Variants in DHX38 observed in about 807,000 individuals in gnomAD.
DHX38 encodes DEAH-box helicase 38.
Under a neutral mutation model 153.1 loss-of-function variants are expected in DHX38, and 100 were observed. The ratio of observed to expected loss-of-function variants is 0.65; its 90% CI spans 0.56 to 0.77. The LOEUF is 0.77. Ranked by LOEUF, DHX38 falls within the 30% of genes least tolerant of loss-of-function variation. DHX38 has a pLI of 0.00. For missense variants in DHX38, 1,440 were observed against 1,654.0 expected, an observed-to-expected ratio of 0.87 and a Z score of 2.24; for synonymous variants, 650 against 631.7, an observed-to-expected ratio of 1.03 and a Z score of -0.43.
Position 72,107,218 on chromosome 16 carries a change from A to C in DHX38, c.2601-122A>C. ...AGTTTTGAATAGGTGGAAGTCAGTGATTCACTGAAGTAGTGGGTGGGGAGA... is the reference window on the plus strand; with the variant it reads ...AGTTTTGAATAGGTGGAAGTCAGTGCTTCACTGAAGTAGTGGGTGGGGAGA... On this transcript the variant is annotated intron_variant, in intron 19 of 26. Coordinates refer to ENST00000268482, the MANE Select transcript of DHX38 (RefSeq NM_014003.4). This position sits in a 1 kb window ranked among gnomAD's most constrained non-coding sequence, Gnocchi z 5.3. The C allele has an allele frequency of 1.9e-6, 2 of 1,027,880 alleles. No homozygotes were observed. Among genetic ancestry groups the C allele is most frequent in the Non-Finnish European group, 2.8e-6 (2 of 710,602 alleles). 63.7% of individuals were successfully genotyped at this position (1,027,880 alleles called of 1,614,324 possible).
chr16:72,109,435 C>T lies in DHX38; in HGVS notation c.3402C>T (p.Thr1134=), dbSNP rs1309841778. 28 of 1,613,178 alleles carry T rather than the reference C, an allele frequency of 1.7e-5. No homozygotes were observed. Among genetic ancestry groups the T allele is most frequent in the East Asian group, 4.5e-5 (2 of 44,818 alleles). Residue 1134 remains threonine (T), a synonymous_variant, in exon 25 of 27, where the codon ACC becomes ACT. Coordinates refer to ENST00000268482, the MANE Select transcript of DHX38 (RefSeq NM_014003.4). ...CGCAGGAGTATATGCAGTGTGTGAC[C>T]GCTGTGGACGGGGAGTGGCTGGCGG... The part of the protein sequence containing the change: ...MTTKEYMQCV[T]AVDGEWLAEL...
intron 2 of DHX38, 29 bp from the exon 3 acceptor site, chr16:72,096,793 G>C (rs768452875): frequency 2.5e-6 from 4 of 1,597,362 alleles, no homozygotes; most frequent in Non-Finnish European, 3.4e-6. Context: ...CTATGGAGGG[G>C]CCTTTACCAG....
chr16:72,105,951 C>T, intron 18 of DHX38, 54 bp from the exon 19 acceptor site: 1 of 1,551,464 alleles, frequency 6.4e-7, no homozygotes, highest in Non-Finnish European at 8.9e-7. Flanking sequence ...CTCAGGCCTA[C>T]TTCCACTTTC....
rs765927258 is a variant in DHX38 at position 72,096,982 on chromosome 16, C to T, written c.484C>T (p.Arg162Ter). The change falls in exon 3 of 27, where the codon CGA becomes TGA. Residue 162 changes from arginine to a stop codon, truncating the protein, a stop_gained. Transcript: ENST00000268482. LOFTEE classifies it high-confidence loss of function. The stretch of plus-strand genomic sequence containing the variant: ...TTGGAAGAAGGAGAAATCGCGGGAT[C>T]GAGACTATGACCGCAAGAGGGACAG... The part of the protein sequence containing the change: ...KDWKKEKSRD[R>*]DYDRKRDRDE... 3.7e-6 allele frequency: 6 copies of T among 1,613,798 alleles called. No homozygotes were observed. The highest frequency in any genetic ancestry group is 3.3e-5 in the Admixed American group (2 of 60,004).
At position 72,103,783 on chromosome 16, in the gene DHX38, G is replaced by A. The variant is rs777017958; in HGVS notation, c.1819G>A (p.Glu607Lys). ...TGAAGAGATGGGGGGAAACCTTGGC[G>A]AGGAGGTGAGTGGGCGTGGGGGCTG... Reference protein sequence around the residue: ...VSEEMGGNLGEEVGYAIRFED... With the variant: ...VSEEMGGNLGKEVGYAIRFED... Residue 607 changes from glutamate (E) to lysine (K), a missense_variant, in exon 13 of 27, where the codon GAG becomes AAG. This residue lies in a region of DHX38 where 241 missense variants were observed against 229.5 expected (regional missense o/e 1.05). Coordinates refer to ENST00000268482, the MANE Select transcript of DHX38 (RefSeq NM_014003.4). 13 of 1,609,414 alleles carry A rather than the reference G, an allele frequency of 8.1e-6. No homozygotes were observed. Among genetic ancestry groups the A allele is most frequent in the South Asian group, 5.5e-5 (5 of 91,010 alleles).
chr16:72,096,991 G>T lies in DHX38; in HGVS notation c.493G>T (p.Asp165Tyr). The T allele has an allele frequency of 6.2e-7, 1 of 1,613,868 alleles. No individual in the cohort carries two copies. Among genetic ancestry groups the T allele is most frequent in the South Asian group, 1.1e-5 (1 of 91,022 alleles). The change falls in exon 3 of 27, where the codon GAC (aspartate) becomes TAC (tyrosine). Residue 165 changes from aspartate to tyrosine, a missense_variant. This residue lies in a region of DHX38 where 483 missense variants were observed against 465.1 expected (regional missense o/e 1.04). Coordinates refer to ENST00000268482, the MANE Select transcript of DHX38 (RefSeq NM_014003.4). ...KKEKSRDRDY[D>Y]RKRDRDERDR... ...GGAGAAATCGCGGGATCGAGACTATGACCGCAAGAGGGACAGAGGTAAACT... is the reference window on the plus strand; with the variant it reads ...GGAGAAATCGCGGGATCGAGACTATTACCGCAAGAGGGACAGAGGTAAACT...
At chr16:72,099,140 A>C in intron 6 of DHX38, 64 bp from the exon 7 acceptor site, 1 of 1,596,068 alleles carries the variant, frequency 6.3e-7, no homozygotes, top group Non-Finnish European at 8.5e-7. Flanking sequence ...GGCCCTGCAG[A>C]TCTGTCTGGG....
At chr16:72,110,481 C>T (rs1204203391) in intron 25 of DHX38, among the ~76,000 whole-genome samples, 5 of 152,162 alleles carry the variant, frequency 3.3e-5, no homozygotes, top group African/African-American at 9.7e-5. Context: ...TTCCACTGCT[C>T]CTCCATCTTG....
Position 72,104,647 on chromosome 16 carries a change from C to G in DHX38, c.2151+21C>G, listed in dbSNP as rs200567958. The G allele has an allele frequency of 3.1e-6, 5 of 1,613,822 alleles. No individual in the cohort carries two copies. Among genetic ancestry groups the G allele is most frequent in the Non-Finnish European group, 4.2e-6 (5 of 1,179,900 alleles). ...GCAAGGTATTGAGGCCACCATGTTA[C>G]GAACTGACCCTTCCATGCCACGCAC... On this transcript the variant is annotated intron_variant, in intron 15 of 26. Transcript: ENST00000268482. This position sits in a 1 kb window ranked among gnomAD's most constrained non-coding sequence, Gnocchi z 4.5.
intron 24 of DHX38, 108 bp downstream of exon 24, chr16:72,109,033 C>A (rs2042222846): frequency 1.4e-6 from 2 of 1,463,886 alleles, no homozygotes; most frequent in Admixed American, 2.5e-5. Context: ...GCCTTGAGGC[C>A]ACATGCATTG....
intron 17 of DHX38, 37 bp downstream of exon 17, chr16:72,105,385 G>A (rs2144161176): frequency 6.2e-7 from 1 of 1,607,582 alleles, no homozygotes; most frequent in Non-Finnish European, 8.5e-7. Context: ...GGCTCTTGGA[G>A]TTCTCTAAAG....
At chr16:72,098,458 A>T (rs985329048) in intron 4 of DHX38, among the ~76,000 whole-genome samples, 187 bp from the exon 5 acceptor site, 1 of 152,194 alleles carries the variant, frequency 6.6e-6, no homozygotes, top group Non-Finnish European at 1.5e-5. Context: ...GGAAAAATAC[A>T]TCCTGGACCA....
Position 72,105,995 on chromosome 16 carries a change from C to A in DHX38, c.2488-10C>A, listed in dbSNP as rs763751376. 1.9e-6 allele frequency: 3 copies of A among 1,612,560 alleles called. No homozygotes were observed. In the South Asian group the frequency reaches 3.3e-5, roughly 18 times the overall value. On this transcript the variant is annotated splice_polypyrimidine_tract_variant and intron_variant, in intron 18 of 26. Transcript: ENST00000268482. ...CTGTCCTTCGTCAGCTCTTTGCCGT[C>A]CCCTCCTAGGTCTTCAACCCCAGGA...
chr16:72,095,308 T>C (rs1304364073), intron 1 of DHX38, among the ~76,000 whole-genome samples: 1 of 152,238 alleles, frequency 6.6e-6, no homozygotes, highest in Non-Finnish European at 1.5e-5. Flanking sequence ...ATAAATATTT[T>C]TGGTGAACAT....
intron 25 of DHX38, 121 bp from the exon 26 acceptor site, chr16:72,110,835 C>A: frequency 7.4e-7 from 1 of 1,359,992 alleles, no homozygotes; most frequent in Non-Finnish European, 9.9e-7. Flanking sequence ...GGCAGGCAGC[C>A]ATGTGGAGCA....
chr16:72,109,566 C>T (rs1369091644), intron 25 of DHX38, 56 bp downstream of exon 25: 6 of 1,534,066 alleles, frequency 3.9e-6, no homozygotes, highest in Non-Finnish European at 4.4e-6. Flanking sequence ...TCGGTGTTCC[C>T]TCCGCTTGGT....
In DHX38 at chr16:72,104,537, G is replaced by C. The variant is rs2042146228; in HGVS notation, c.2062G>C (p.Asp688His). 1 of 1,614,152 alleles carries C rather than the reference G, an allele frequency of 6.2e-7. No individual in the cohort carries two copies. Among genetic ancestry groups the C allele is most frequent in the Non-Finnish European group, 8.5e-7 (1 of 1,180,040 alleles). Residue 688 changes from aspartate (D) to histidine (H), a missense_variant, in exon 15 of 27, where the codon GAT becomes CAT. By Grantham distance (81) the Asp-to-His change is moderately conservative (BLOSUM62 -1). This residue lies in a region of DHX38 where 543 missense variants were observed against 717.9 expected (regional missense o/e 0.76). Coordinates refer to ENST00000268482, the MANE Select transcript of DHX38 (RefSeq NM_014003.4). The surrounding 1 kb of genome is among the most constrained non-coding windows in gnomAD (Gnocchi z 4.5). ...GCTCATCGTCACATCAGCCACGATG[G>C]ATGCGGAGAAGTTTGCTGCCTTTTT... ...LKLIVTSATM[D>H]AEKFAAFFGN...
At chr16:72,097,354 A>G (rs563731575) in intron 3 of DHX38, 14 of 406,424 alleles carry the variant, frequency 3.4e-5, no homozygotes, top group African/African-American at 2.4e-4. Context: ...AAAAAATCCA[A>G]TGCTGTCCTT....
rs1339758457 is a variant in DHX38, at chr16:72,104,099, A to C, written c.1978A>C (p.Asn660His). ...GGACGAGGCCCACGAGCGCTCCCTCAACACTGACGTGCTCTTTGGGCTGCT... is the reference window on the plus strand; with the variant it reads ...GGACGAGGCCCACGAGCGCTCCCTCCACACTGACGTGCTCTTTGGGCTGCT... ...IMDEAHERSLNTDVLFGLLRE... is the reference protein window; with the variant it reads ...IMDEAHERSLHTDVLFGLLRE... The change falls in exon 14 of 27, where the codon AAC becomes CAC. Residue 660 changes from asparagine (N) to histidine (H), a missense_variant. This residue lies in a region of DHX38 where 543 missense variants were observed against 717.9 expected (regional missense o/e 0.76). Transcript: ENST00000268482. The surrounding 1 kb of genome is among the most constrained non-coding windows in gnomAD (Gnocchi z 4.5). The C allele has an allele frequency of 6.2e-7, 1 of 1,614,016 alleles. No homozygotes were observed. Among genetic ancestry groups the C allele is most frequent in the Non-Finnish European group, 8.5e-7 (1 of 1,180,028 alleles).
Sources: allele counts gnomAD v4.1 joint callset (sites outside exome capture counted in the v4.1 genomes callset), GRCh38; gene constraint gnomAD v4.1.1; regional missense constraint gnomAD v4.1.1; non-coding constraint Gnocchi (gnomAD v3.1); transcripts MANE v1.5; gene names NCBI Gene and HGNC (gene_info 2026-07-23, HGNC 2026-07-21).